Variants in CEP63 observed in about 807,000 individuals in gnomAD.
CEP63 encodes centrosomal protein 63.
In CEP63, 84 loss-of-function variants were observed where a neutral mutation model predicts 89.1. The ratio of observed to expected loss-of-function variants is 0.94; its 90% CI spans 0.79 to 1.13. The LOEUF is 1.13. Ranked by LOEUF, CEP63 falls within the 50% of genes most tolerant of loss-of-function variation. The pLI is 0.00. For missense variants in CEP63, 838 were observed against 813.3 expected, an observed-to-expected ratio of 1.03 and a Z score of -0.37; for synonymous variants, 267 against 272.5, an observed-to-expected ratio of 0.98 and a Z score of 0.20.
chr3:134,591,215 C>A (rs1958589874), downstream of CEP63, among the ~76,000 whole-genome samples: 1 of 152,226 alleles, frequency 6.6e-6, no homozygotes, highest in Non-Finnish European at 1.5e-5. Context: ...ACCACTGTTT[C>A]CTCACTTCCA....
chr3:134,723,633 G>C, the CEP63 span, among the ~76,000 whole-genome samples: 77,650 of 152,130 alleles, frequency 0.51, 22,967 homozygotes, highest in East Asian at 0.78. Flanking sequence ...GAGAAGGAGC[G>C]ATGGAACCAC....
downstream of CEP63, among the ~76,000 whole-genome samples, chr3:134,567,258 G>A (rs935928451): frequency 2.6e-5 from 4 of 151,984 alleles, no homozygotes; most frequent in African/African-American, 4.8e-5. Flanking sequence ...AGGGATTGGC[G>A]GCGGAAGGTT....
downstream of CEP63, among the ~76,000 whole-genome samples, chr3:134,567,472 A>C (rs1957826338): frequency 6.6e-6 from 1 of 151,588 alleles, no homozygotes; most frequent in African/African-American, 2.4e-5. Context: ...GTTACCAAAA[A>C]AAAAAAAAAA....
the CEP63 span, among the ~76,000 whole-genome samples, chr3:134,692,465 G>A: frequency 6.6e-6 from 1 of 151,742 alleles, no homozygotes; most frequent in Admixed American, 6.6e-5. Context: ...TGGCTGCATA[G>A]TATTCCATGG....
chr3:134,586,394 A>C (rs535935829), intron 10 of CEP63, among the ~76,000 whole-genome samples: 942 of 87,510 alleles, frequency 0.011, 33 homozygotes, highest in Admixed American at 0.11. Flanking sequence ...CCTGGTGGTG[A>C]CAAAATCTCT....
At chr3:134,622,557 G>A in the CEP63 span, among the ~76,000 whole-genome samples, 1 of 152,140 alleles carries the variant, frequency 6.6e-6, no homozygotes, top group African/African-American at 2.4e-5. Flanking sequence ...GGCTGGGGGA[G>A]GAGAAATGGG....
At chr3:134,486,486 G>T in intron 1 of CEP63, 2 of 985,732 alleles carry the variant, frequency 2.0e-6, no homozygotes, top group Non-Finnish European at 2.4e-6. Context: ...CCGGCGTGGG[G>T]TTCGGCCCCG....
rs368122278 is a variant in CEP63, at chr3:134,559,198, C to A, written c.1722C>A (p.Tyr574Ter). The A allele has an allele frequency of 5.9e-5, 96 of 1,614,022 alleles. No homozygotes were observed. The highest frequency in any genetic ancestry group is 4.9e-5 in the Non-Finnish European group (58 of 1,179,996). Reference protein sequence around the residue: ...HRHDGIKTEHYKTDLHSPRGQ... With the variant: ...HRHDGIKTEH Reference sequence around the variant, plus strand: ...ATGATGGAATAAAGACTGAGCACTACAAAACAGATCTTCATTCTCCAAGAG... The same window carrying A: ...ATGATGGAATAAAGACTGAGCACTAAAAAACAGATCTTCATTCTCCAAGAG... Residue 574 changes from tyrosine (Y) to a stop codon, truncating the protein, a stop_gained, in exon 14 of 15, where the codon TAC becomes TAA. Transcript: ENST00000675561. LOFTEE classifies it high-confidence loss of function.
At chr3:134,709,449 A>C in the CEP63 span, among the ~76,000 whole-genome samples, 2 of 145,302 alleles carry the variant, frequency 1.4e-5, no homozygotes, top group African/African-American at 5.1e-5. Context: ...ATGTTCACAA[A>C]CACATGTGAG....
the CEP63 span, among the ~76,000 whole-genome samples, chr3:134,689,054 G>A: frequency 2.6e-5 from 4 of 152,130 alleles, no homozygotes; most frequent in Non-Finnish European, 5.9e-5. Context: ...TGATGGTTGG[G>A]CACAACACAG....
rs542628866 is a variant in CEP63 at position 134,486,161 on chromosome 3, C to T, written c.-67C>T. The T allele has an allele frequency of 5.4e-5, 53 of 985,568 alleles. No homozygotes were observed. The Admixed American group carries it at 5.5e-4, about 10-fold the overall frequency. 61.1% of individuals were successfully genotyped at this position (985,568 alleles called of 1,614,324 possible). ...AAACGCGCCGACTACAGAGGCTGGA[C>T]GTAAGCTTAGCGGTGGCGCGCGTGC... On this transcript the variant is annotated 5_prime_UTR_variant, in exon 1 of 15. The change creates a new upstream start codon in the 5' untranslated region. Coordinates refer to ENST00000675561, the MANE Select transcript of CEP63 (RefSeq NM_001353108.3).
chr3:134,550,503 G>GA (rs1954571971), intron 11 of CEP63, among the ~76,000 whole-genome samples: 2 of 152,328 alleles, frequency 1.3e-5, no homozygotes, highest in Non-Finnish European at 2.9e-5. Context: ...CAAGCAGCCT[G>GA]AATCTAGACC....
intron 2 of CEP63, among the ~76,000 whole-genome samples, chr3:134,502,317 A>G (rs1942230830): frequency 1.3e-5 from 2 of 151,956 alleles, no homozygotes; most frequent in African/African-American, 4.8e-5. Context: ...AGATTTTGGT[A>G]TCAGGGTGAT....
chr3:134,604,137 G>A, the CEP63 span: 21 of 1,607,820 alleles, frequency 1.3e-5, no homozygotes, highest in African/African-American at 1.1e-4. Flanking sequence ...AGCGCCCGTC[G>A]CTGGTGTGGA....
At chr3:134,645,423 C>T in the CEP63 span, among the ~76,000 whole-genome samples, 1 of 152,220 alleles carries the variant, frequency 6.6e-6, no homozygotes, top group Admixed American at 6.5e-5. Flanking sequence ...CAGCCACTTC[C>T]TTCTAAGATG....
At chr3:134,664,728 C>T in the CEP63 span, among the ~76,000 whole-genome samples, 1 of 151,372 alleles carries the variant, frequency 6.6e-6, no homozygotes, top group Non-Finnish European at 1.5e-5. Flanking sequence ...CTTTAGCTAC[C>T]CTACTAGTAC....
the CEP63 span, among the ~76,000 whole-genome samples, chr3:134,713,848 A>G: frequency 5.3e-3 from 809 of 152,362 alleles, 14 homozygotes; most frequent in African/African-American, 0.018. Context: ...GTAAAATGAA[A>G]GTAATCATGG....
At chr3:134,490,053 G>A (rs1374912155) in intron 1 of CEP63, among the ~76,000 whole-genome samples, 2 of 152,016 alleles carry the variant, frequency 1.3e-5, no homozygotes, top group Admixed American at 6.6e-5. Flanking sequence ...TCAAGGAGCC[G>A]TGGTTCTTTT....
chr3:134,726,640 T>C, the CEP63 span, among the ~76,000 whole-genome samples: 4 of 152,116 alleles, frequency 2.6e-5, no homozygotes, highest in African/African-American at 7.2e-5. Context: ...TGAATGCAAG[T>C]ACTGGTCAAT....
Sources: allele counts gnomAD v4.1 joint callset (sites outside exome capture counted in the v4.1 genomes callset), GRCh38; gene constraint gnomAD v4.1.1; transcripts MANE v1.5; gene names NCBI Gene and HGNC (gene_info 2026-07-23, HGNC 2026-07-21).